The following ACTN3 variants were observed in gnomAD, a reference collection of about 807,000 sequenced individuals.
ACTN3 encodes alpha-actinin-3.
In ACTN3, 91 loss-of-function variants were observed where a neutral mutation model predicts 119.6. The observed-to-expected ratio is 0.76, with a 90% CI of 0.64 to 0.91. The LOEUF is 0.91. Among genes scored for constraint, ACTN3 ranks in the 40% least tolerant of loss-of-function variants. The probability of loss-of-function intolerance (pLI) is 0.00; values close to 1 mark genes in which losing one functional copy is unlikely to be tolerated. For synonymous variants in ACTN3, 456 were observed against 478.8 expected (o/e 0.95, Z 0.62); for missense variants, 1,221 against 1,215.1 (o/e 1.00, Z -0.07).
At chr11:66,550,709 C>T (rs1028269702) in intron 1 of ACTN3, among the ~76,000 whole-genome samples, 2 of 152,194 alleles carry the variant, frequency 1.3e-5, no homozygotes, top group African/African-American at 4.8e-5. Context: ...TCCAACAGCC[C>T]TCAGAGTCCT....
chr11:66,556,242 C>G lies in ACTN3; in HGVS notation c.804+12C>G, dbSNP rs761009891. 1.9e-6 allele frequency: 3 copies of G among 1,612,362 alleles called. No individual in the cohort carries two copies. In the Admixed American group the frequency reaches 5.0e-5, roughly 27 times the overall value. ...CCGGGGCTGAGCAGGTAAGGCGGCC[C>G]AACTGCTGCTGCCTGGGCTTGTGGA... On this transcript the variant is annotated intron_variant, in intron 8 of 20. Coordinates refer to ENST00000513398, the MANE Select transcript of ACTN3 (RefSeq NM_001104.4).
rs1857356798 is a variant in ACTN3 at position 66,546,922 on chromosome 11, C to T, written c.-16C>T. 7 of 1,536,312 alleles carry T rather than the reference C, an allele frequency of 4.6e-6. No homozygotes were observed. The East Asian group carries it at 1.1e-4, about 25-fold the overall frequency. On this transcript the variant is annotated 5_prime_UTR_variant, in exon 1 of 21. Transcript: ENST00000513398. ...GAGAGCGTGCCGAGCGGAGCGAAGCCAGGAGCCCGATCGAGATGATGATGG... is the reference window on the plus strand; with the variant it reads ...GAGAGCGTGCCGAGCGGAGCGAAGCTAGGAGCCCGATCGAGATGATGATGG...
rs1488122112 is a variant in ACTN3 at position 66,560,563 on chromosome 11, T to A, written c.1678-10T>A. On this transcript the variant is annotated splice_polypyrimidine_tract_variant and intron_variant, in intron 14 of 20. Transcript: ENST00000513398. ...GACACCAGCTGACACTTCCTGCCTG[T>A]CGTCCCCAGAGCCTGCTGACAGCGC... 6.2e-7 allele frequency: 1 copy of A among 1,604,350 alleles called. No individual in the cohort carries two copies. The highest frequency in any genetic ancestry group is 1.7e-5 in the Admixed American group (1 of 59,618).
rs1307683539 is a variant in ACTN3 at position 66,556,308 on chromosome 11, G to A, written c.804+78G>A. 3.7e-5 allele frequency: 52 copies of A among 1,408,100 alleles called. No homozygotes were observed. The East Asian group carries it at 5.1e-4, about 14-fold the overall frequency. 87.2% of individuals were successfully genotyped at this position (1,408,100 alleles called of 1,614,324 possible). The stretch of plus-strand genomic sequence containing the variant: ...TTGGCTGTAGTCCAACATTGGAGGC[G>A]CCAGACCACGGAGGTTGGAGTGCCA... On this transcript the variant is annotated intron_variant, in intron 8 of 20. Coordinates refer to ENST00000513398, the MANE Select transcript of ACTN3 (RefSeq NM_001104.4).
chr11:66,551,161 C>A (rs1857460194), intron 1 of ACTN3, 78 bp from the exon 2 acceptor site: 2 of 1,073,202 alleles, frequency 1.9e-6, no homozygotes, highest in South Asian at 1.3e-5. Context: ...TGAGACCTAC[C>A]CTGACTGAGG....
Position 66,551,233 on chromosome 11 carries a change from C to G in ACTN3, c.148-6C>G. The G allele has an allele frequency of 1.2e-6, 2 of 1,601,238 alleles. No individual in the cohort carries two copies. Among genetic ancestry groups the G allele is most frequent in the African/African-American group, 1.3e-5 (1 of 74,766 alleles). ...GTAGGGTTTGAGTGCTGTCCTCTGC[C>G]CCTAGACCTTCACTGCCTGGTGCAA... On this transcript the variant is annotated splice_region_variant and splice_polypyrimidine_tract_variant and intron_variant, in intron 1 of 20. Transcript: ENST00000513398.
chr11:66,550,508 A>ATTGG (rs1857447851), intron 1 of ACTN3, among the ~76,000 whole-genome samples: 3 of 152,124 alleles, frequency 2.0e-5, no homozygotes, highest in Admixed American at 2.0e-4. Context: ...TAATCCCAAC[A>ATTGG]CTTTGGGAAG....
Position 66,562,947 on chromosome 11 carries a change from G to C in ACTN3, c.2540G>C (p.Gly847Ala). Residue 847 changes from glycine to alanine, a missense_variant, in exon 20 of 21, where the codon GGA (glycine) becomes GCA (alanine). Around this residue, in one of 3 missense-constraint regions of ACTN3, gnomAD observed 934 missense variants for 899.9 expected, o/e 1.04. Coordinates refer to ENST00000513398, the MANE Select transcript of ACTN3 (RefSeq NM_001104.4). ...QVVASFKILA[G>A]DKNYITPEEL... Reference sequence around the variant, plus strand: ...GTAGCTTCCTTCAAGATCTTGGCAGGAGACAAGGTGAGTCCCAGGCGGTGG... The same window carrying C: ...GTAGCTTCCTTCAAGATCTTGGCAGCAGACAAGGTGAGTCCCAGGCGGTGG... 6.2e-7 allele frequency: 1 copy of C among 1,613,162 alleles called. No individual in the cohort carries two copies. Among genetic ancestry groups the C allele is most frequent in the South Asian group, 1.1e-5 (1 of 91,000 alleles).
At chr11:66,561,167 TCC>T (rs1857750048) in intron 15 of ACTN3, 58 bp from the exon 16 acceptor site, 1 of 1,459,804 alleles carries the variant, frequency 6.9e-7, no homozygotes, top group South Asian at 1.5e-5. Context: ...GGAGCCCATC[TCC>T]CCTAAAGCCA....
At chr11:66,559,583 A>T (rs1193193798) in intron 12 of ACTN3, among the ~76,000 whole-genome samples, 197 bp downstream of exon 12, 1 of 114,626 alleles carries the variant, frequency 8.7e-6, no homozygotes, top group Non-Finnish European at 1.7e-5. Context: ...TCTGCTGCTC[A>T]CACTCTTCCC....
At chr11:66,562,465 G>A in intron 19 of ACTN3, 143 bp downstream of exon 19, 1 of 1,028,538 alleles carries the variant, frequency 9.7e-7, no homozygotes, top group Non-Finnish European at 1.5e-6. Context: ...GGCTCAGGGA[G>A]GTAAAACTCA....
At chr11:66,554,385 G>A in intron 4 of ACTN3, 151 bp from the exon 5 acceptor site, 1 of 660,252 alleles carries the variant, frequency 1.5e-6, no homozygotes, top group African/African-American at 1.8e-5. Context: ...TTGAGCCTGG[G>A]AGGTTGAGGC....
chr11:66,555,703 T>C (rs1263175213), intron 7 of ACTN3, among the ~76,000 whole-genome samples: 2 of 152,224 alleles, frequency 1.3e-5, no homozygotes, highest in Non-Finnish European at 2.9e-5. Context: ...GGCAAGGCAA[T>C]AGTCAACTGA....
rs1160889203 is a variant in ACTN3, at chr11:66,562,175, AG to A, written c.2322+11del. On this transcript the variant is annotated splice_region_variant and intron_variant, in intron 18 of 20. Coordinates refer to ENST00000513398, the MANE Select transcript of ACTN3 (RefSeq NM_001104.4). ...CTTCAACCACTTTGACAGGGTCAGC[AG>A]GGGCCTGGCCCTGTGGGGTAAGACA... 1 of 1,613,950 alleles carries A rather than the reference AG, an allele frequency of 6.2e-7. No homozygotes were observed. The highest frequency in any genetic ancestry group is 2.2e-5 in the East Asian group (1 of 44,864).
At chr11:66,546,661 G>C (rs1565301024), upstream of ACTN3, 1 of 1,533,244 alleles carries the variant, frequency 6.5e-7, no homozygotes, top group Non-Finnish European at 8.7e-7. Flanking sequence ...AGGTCCCGTG[G>C]ATTTCTCAAG....
chr11:66,557,593 C>A (rs754047323), intron 9 of ACTN3, 106 bp from the exon 10 acceptor site: 231 of 1,211,430 alleles, frequency 1.9e-4, no homozygotes, highest in Non-Finnish European at 2.5e-4. Context: ...GTCAAAGTCA[C>A]CCCCACCTAC....
rs1215838008 is a variant in ACTN3, at chr11:66,559,340, C to T, written c.1381C>T (p.His461Tyr). ...HEAFESDLAA[H>Y]QDRVEHIAAL... is the part of the protein sequence containing the mutation. ...GGCCTTTGAGAGCGACCTGGCGGCGCACCAGGACCGCGTGGAGCACATTGC... is the reference window on the plus strand; with the variant it reads ...GGCCTTTGAGAGCGACCTGGCGGCGTACCAGGACCGCGTGGAGCACATTGC... The change falls in exon 12 of 21, where the codon CAC becomes TAC. Residue 461 changes from histidine (H) to tyrosine (Y), a missense_variant. By Grantham distance (83) the His-to-Tyr change is moderately conservative. Transcript: ENST00000513398. 1.3e-6 allele frequency: 2 copies of T among 1,574,412 alleles called. No individual in the cohort carries two copies. The highest frequency in any genetic ancestry group is 1.8e-5 in the Admixed American group (1 of 54,626).
At chr11:66,553,148 G>A (rs1299760575) in intron 3 of ACTN3, among the ~76,000 whole-genome samples, 1 of 151,750 alleles carries the variant, frequency 6.6e-6, no homozygotes, top group African/African-American at 2.4e-5. Context: ...CAGCTACTCG[G>A]GAGGCTGAGG....
chr11:66,562,232 C>T (rs762537380), intron 18 of ACTN3, 25 bp from the exon 19 acceptor site: 1 of 1,613,848 alleles, frequency 6.2e-7, no homozygotes, highest in Admixed American at 1.7e-5. Flanking sequence ...GGAGACCAAG[C>T]CTGATAACCA....
Sources: gnomAD v4.1 joint callset for allele counts (sites outside exome capture counted in the v4.1 genomes callset) on GRCh38, gnomAD v4.1.1 for gene constraint, gnomAD v4.1.1 regional missense constraint, MANE v1.5 for transcripts, NCBI Gene and HGNC (gene_info 2026-07-23, HGNC 2026-07-21) for gene names.